TXNDC16: variants seen among roughly 807,000 people sequenced by gnomAD.
TXNDC16 encodes the protein thioredoxin domain-containing protein 16.
A neutral mutation model predicts 85.6 loss-of-function variants in TXNDC16; 74 were observed. The ratio of observed to expected loss-of-function variants is 0.86; its 90% CI spans 0.72 to 1.05. The LOEUF is 1.05. Ranked by LOEUF, TXNDC16 falls within the 50% of genes least tolerant of loss-of-function variation. The pLI, the probability that TXNDC16 is intolerant of heterozygous loss-of-function variation, is 0.00. For missense variants in TXNDC16, 959 were observed against 947.0 expected, an observed-to-expected ratio of 1.01 and a Z score of -0.17; for synonymous variants, 335 against 326.5, an observed-to-expected ratio of 1.03 and a Z score of -0.28.
chr14:52,494,864 T>A (rs375767028), intron 9 of TXNDC16, among the ~76,000 whole-genome samples: 10 of 152,164 alleles, frequency 6.6e-5, no homozygotes, highest in African/African-American at 2.4e-4. Flanking sequence ...GAATGGACAG[T>A]AAGATAACCA....
At chr14:52,505,825 G>A (rs931378752) in intron 9 of TXNDC16, among the ~76,000 whole-genome samples, 5 of 151,968 alleles carry the variant, frequency 3.3e-5, no homozygotes, top group African/African-American at 1.2e-4. Flanking sequence ...TAGACCGCTA[G>A]CAAGACTAAT....
In TXNDC16 at chr14:52,534,160, A is replaced by G. The variant is rs77836928; in HGVS notation, c.392+2559T>C. Among the ~76,000 whole-genome samples, 741 of 152,310 alleles carry G rather than the reference A, an allele frequency of 4.9e-3. 14 individuals carry two copies. The highest frequency in any genetic ancestry group is 0.039 in the Admixed American group (603 of 15,300). Reference sequence around the variant, plus strand: ...ACTCCTCACTTTTCAGTGGTTACCCAAAAGCCTAAACTTATACAGAGGGAA... The same window carrying G: ...ACTCCTCACTTTTCAGTGGTTACCCGAAAGCCTAAACTTATACAGAGGGAA... On this transcript the variant is annotated intron_variant, in intron 6 of 20. Coordinates refer to ENST00000281741, the MANE Select transcript of TXNDC16 (RefSeq NM_020784.3).
At chr14:52,551,140 C>G (rs1444247535) in intron 1 of TXNDC16, among the ~76,000 whole-genome samples, 1 of 152,044 alleles carries the variant, frequency 6.6e-6, no homozygotes, top group Non-Finnish European at 1.5e-5. Flanking sequence ...ATAAAGAACT[C>G]AAACCACACT....
intron 9 of TXNDC16, among the ~76,000 whole-genome samples, chr14:52,500,928 A>C (rs1172518865): frequency 6.6e-6 from 1 of 152,226 alleles, no homozygotes; most frequent in Non-Finnish European, 1.5e-5. Flanking sequence ...GGATTCAGAT[A>C]AAAGCTTTCC....
intron 18 of TXNDC16, among the ~76,000 whole-genome samples, chr14:52,453,756 A>G (rs535246453): frequency 2.6e-5 from 4 of 152,300 alleles, no homozygotes; most frequent in Admixed American, 2.6e-4. Context: ...CTTTCACCAT[A>G]TACAAAACCC....
chr14:52,525,406 G>A (rs1339000383), intron 6 of TXNDC16, among the ~76,000 whole-genome samples: 1 of 151,546 alleles, frequency 6.6e-6, no homozygotes, highest in Non-Finnish European at 1.5e-5. Context: ...ATAAAAATTA[G>A]TTGGGCCAGG....
rs1566588134 is a variant in TXNDC16 at position 52,538,416 on chromosome 14, T to C, written c.244-744A>G. ...ATCTGAACTCTAAGTGAAAAAAATA[T>C]ATAATAACAATCTTGGCAACAACAT... On this transcript the variant is annotated intron_variant, in intron 4 of 20. Coordinates refer to ENST00000281741, the MANE Select transcript of TXNDC16 (RefSeq NM_020784.3). 2.6e-5 allele frequency among the ~76,000 whole-genome samples: 4 copies of C among 152,068 alleles called. No individual in the cohort carries two copies. The South Asian group carries it at 8.3e-4, about 31-fold the overall frequency.
chr14:52,525,482 G>A (rs1238267478), intron 6 of TXNDC16, among the ~76,000 whole-genome samples: 1 of 147,532 alleles, frequency 6.8e-6, no homozygotes, highest in Non-Finnish European at 1.5e-5. Context: ...ACAAGGTCAG[G>A]AATTTGAGAA....
At chr14:52,498,659 G>A (rs1443246823) in intron 9 of TXNDC16, among the ~76,000 whole-genome samples, 1 of 152,094 alleles carries the variant, frequency 6.6e-6, no homozygotes, top group Non-Finnish European at 1.5e-5. Flanking sequence ...ATTGCTGAGA[G>A]AAAATTTAAA....
chr14:52,521,296 T>G (rs34761133), intron 6 of TXNDC16, among the ~76,000 whole-genome samples: 2 of 144,018 alleles, frequency 1.4e-5, no homozygotes, highest in African/African-American at 2.6e-5. Context: ...TTTTTTTTTG[T>G]ATTTTTAGTA....
chr14:52,467,285 G>GA (rs1030148800), intron 16 of TXNDC16, among the ~76,000 whole-genome samples: 2 of 151,852 alleles, frequency 1.3e-5, no homozygotes, highest in Non-Finnish European at 2.9e-5. Flanking sequence ...TTAAAAAAGG[G>GA]AAAAAAATCA....
At chr14:52,463,751 G>A (rs1035858315) in intron 16 of TXNDC16, among the ~76,000 whole-genome samples, 8 of 152,114 alleles carry the variant, frequency 5.3e-5, no homozygotes, top group African/African-American at 1.9e-4. Flanking sequence ...AAATATATAC[G>A]GAGGCAGCTT....
At chr14:52,515,416 T>C (rs1020081258) in intron 7 of TXNDC16, among the ~76,000 whole-genome samples, 2 of 152,082 alleles carry the variant, frequency 1.3e-5, no homozygotes, top group African/African-American at 4.8e-5. Flanking sequence ...GTAGATTCTT[T>C]CCAGTAGTAG....
chr14:52,441,570 C>T (rs2035166218), intron 18 of TXNDC16, among the ~76,000 whole-genome samples: 1 of 151,166 alleles, frequency 6.6e-6, no homozygotes, highest in South Asian at 2.1e-4. Context: ...GATTGTTCCA[C>T]AGCACTTCAG....
At chr14:52,493,121 T>A (rs1006828813) in intron 9 of TXNDC16, among the ~76,000 whole-genome samples, 5 of 149,734 alleles carry the variant, frequency 3.3e-5, no homozygotes, top group South Asian at 2.1e-4. Flanking sequence ...ATTTTTTTTT[T>A]AAAGAAAAAA....
chr14:52,473,406 TC>T (rs1210794102), intron 14 of TXNDC16, among the ~76,000 whole-genome samples: 1 of 152,206 alleles, frequency 6.6e-6, no homozygotes, highest in African/African-American at 2.4e-5. Context: ...ATAGTGCTCT[TC>T]CAGCTGCAGT....
intron 9 of TXNDC16, among the ~76,000 whole-genome samples, chr14:52,496,016 C>T (rs1032595923): frequency 2.0e-5 from 3 of 151,912 alleles, no homozygotes; most frequent in South Asian, 2.1e-4. Flanking sequence ...AAAAATTAGC[C>T]GGGTGTGGTG....
chr14:52,548,585 C>T (rs1415195755), intron 1 of TXNDC16, among the ~76,000 whole-genome samples: 1 of 152,040 alleles, frequency 6.6e-6, no homozygotes, highest in African/African-American at 2.4e-5. Flanking sequence ...ATTCTTTCTG[C>T]CTCCAACACT....
At chr14:52,517,992 G>A in intron 7 of TXNDC16, among the ~76,000 whole-genome samples, 1 of 152,096 alleles carries the variant, frequency 6.6e-6, no homozygotes, top group Middle Eastern at 3.2e-3. Flanking sequence ...CTGCTAGGTA[G>A]GCATAATGGC....
Sources: gnomAD v4.1 joint callset for allele counts (sites outside exome capture counted in the v4.1 genomes callset) on GRCh38, gnomAD v4.1.1 for gene constraint, MANE v1.5 for transcripts, NCBI Gene and HGNC (gene_info 2026-07-23, HGNC 2026-07-21) for gene names.